Variants in ANO5 observed in about 807,000 individuals in gnomAD.
The protein encoded by ANO5 is anoctamin-5.
ANO5 carries 109 observed loss-of-function variants against 121.0 expected under a neutral mutation model. The observed-to-expected ratio is 0.90, with a 90% confidence interval of 0.77 to 1.06. The LOEUF (loss-of-function observed/expected upper bound fraction) is 1.06. ANO5 is among the 50% of genes least tolerant of loss of function. ANO5 has a pLI of 0.00. For synonymous variants in ANO5, 406 were observed against 359.9 expected (o/e 1.13, Z -1.45); for missense variants, 1,064 against 1,078.5 (o/e 0.99, Z 0.19).
intron 17 of ANO5, among the ~76,000 whole-genome samples, chr11:22,267,434 T>C (rs1474181999): frequency 6.6e-6 from 1 of 151,170 alleles, no homozygotes; most frequent in Non-Finnish European, 1.5e-5. Context: ...ATACTCTTCA[T>C]CTACATACAA....
intron 17 of ANO5, among the ~76,000 whole-genome samples, chr11:22,263,978 A>G (rs182701541): frequency 3.6e-4 from 55 of 151,054 alleles, no homozygotes; most frequent in South Asian, 8.4e-4. Flanking sequence ...CTAGCCTTCT[A>G]GTTTCATGCT....
intron 8 of ANO5, among the ~76,000 whole-genome samples, chr11:22,237,867 T>C (rs1047248519): frequency 6.6e-6 from 1 of 152,142 alleles, no homozygotes; most frequent in African/African-American, 2.4e-5. Context: ...GACCCTTGGA[T>C]ACCAAAATCC....
At chr11:22,221,072 A>G (rs1000082668) in intron 4 of ANO5, 25 bp from the exon 5 acceptor site, 3 of 1,491,556 alleles carry the variant, frequency 2.0e-6, no homozygotes, top group African/African-American at 1.4e-5. Flanking sequence ...ATAATTTACA[A>G]TTGTGTCATT....
chr11:22,247,230 G>C (rs990922708), intron 9 of ANO5, among the ~76,000 whole-genome samples: 1 of 152,024 alleles, frequency 6.6e-6, no homozygotes. Flanking sequence ...CAAGAGCATT[G>C]TGTGTTTGTT....
intron 8 of ANO5, among the ~76,000 whole-genome samples, chr11:22,237,209 T>C (rs1044121919): frequency 3.3e-5 from 5 of 152,152 alleles, no homozygotes; most frequent in Non-Finnish European, 7.4e-5. Flanking sequence ...GTAAGAAATA[T>C]AGTTCTCAGT....
Position 22,281,708 on chromosome 11 carries a change from T to TA in ANO5, c.*1947dup, listed in dbSNP as rs1855087299. On this transcript the variant is annotated 3_prime_UTR_variant, in exon 22 of 22. Transcript: ENST00000324559. ...AATATAAGCTTTAATTTTTAAGGCT[T>TA]AAAAGTATTCATAGAGGTAGACTGT... The TA allele has an allele frequency of 6.6e-6, 1 of 152,032 alleles. No individual in the cohort carries two copies. Among genetic ancestry groups the TA allele is most frequent in the Non-Finnish European group, 1.5e-5 (1 of 67,934 alleles). The allele number at this position is 152,032 out of a possible 1,614,324, so 9.4% of individuals were successfully genotyped here.
intron 5 of ANO5, among the ~76,000 whole-genome samples, chr11:22,225,302 T>G (rs1441801950): frequency 6.6e-6 from 1 of 151,712 alleles, no homozygotes; most frequent in Non-Finnish European, 1.5e-5. Flanking sequence ...ATGAAAAAAT[T>G]TTTTAAAAAT....
chr11:22,203,947 T>A, intron 2 of ANO5, 97 bp downstream of exon 2: 8 of 765,292 alleles, frequency 1.0e-5, no homozygotes, highest in African/African-American at 1.8e-5. Context: ...TTATAATACA[T>A]TCTATTATGC....
chr11:22,204,182 A>T (rs1389630557), intron 2 of ANO5, among the ~76,000 whole-genome samples: 1 of 152,082 alleles, frequency 6.6e-6, no homozygotes, highest in Non-Finnish European at 1.5e-5. Flanking sequence ...GTGATAGCTT[A>T]TTATTTTACA....
At chr11:22,231,123 A>G (rs533200604) in intron 7 of ANO5, among the ~76,000 whole-genome samples, 1 of 152,120 alleles carries the variant, frequency 6.6e-6, no homozygotes, top group East Asian at 1.9e-4. Context: ...ACTTCAGAAG[A>G]ATCAGAAGAT....
Position 22,227,541 on chromosome 11 carries a change from C to A in ANO5, c.603C>A (p.Ile201=), listed in dbSNP as rs182532539. The change falls in exon 7 of 22, where the codon ATC becomes ATA. Residue 201 remains isoleucine (I), a synonymous_variant. Transcript: ENST00000324559. ...GACATCGGCAGGAGCTCTTCCTCAT[C>A]GAAGATCAGGCAACCTTCTTTCCAT... The part of the protein sequence containing the change: ...FSRHRQELFL[I]EDQATFFPSS... The A allele has an allele frequency of 6.2e-6, 10 of 1,613,330 alleles. No homozygotes were observed. The highest frequency in any genetic ancestry group is 8.5e-6 in the Non-Finnish European group (10 of 1,179,716).
intron 1 of ANO5, among the ~76,000 whole-genome samples, chr11:22,197,042 G>T (rs535271911): frequency 6.2e-4 from 94 of 152,170 alleles, no homozygotes; most frequent in African/African-American, 2.2e-3. Flanking sequence ...ACCCATATAG[G>T]TAAGCCTTGA....
chr11:22,260,802 C>T (rs984778144), intron 15 of ANO5, among the ~76,000 whole-genome samples: 1 of 152,152 alleles, frequency 6.6e-6, no homozygotes, highest in African/African-American at 2.4e-5. Context: ...ATCATCAGCT[C>T]AGGAAAACAT....
At chr11:22,238,258 T>C (rs1321300506) in intron 8 of ANO5, among the ~76,000 whole-genome samples, 1 of 150,604 alleles carries the variant, frequency 6.6e-6, no homozygotes, top group Non-Finnish European at 1.5e-5. Flanking sequence ...TGTCCATCTT[T>C]CTTCACAAAA....
chr11:22,221,329 T>C, intron 5 of ANO5, 119 bp downstream of exon 5: 1 of 816,412 alleles, frequency 1.2e-6, no homozygotes, highest in South Asian at 1.5e-5. Context: ...TACTGAAAAC[T>C]GAAACTGAAT....
chr11:22,266,078 A>G (rs1298079826), intron 17 of ANO5, among the ~76,000 whole-genome samples: 1 of 152,224 alleles, frequency 6.6e-6, no homozygotes, highest in Non-Finnish European at 1.5e-5. Flanking sequence ...CTCTATGTGA[A>G]ACTTGCTCCT....
chr11:22,218,600 G>T (rs144271338), intron 4 of ANO5, among the ~76,000 whole-genome samples: 1 of 151,926 alleles, frequency 6.6e-6, no homozygotes, highest in Admixed American at 6.6e-5. Context: ...TTACTCTGTC[G>T]CCCAGGCTGG....
At chr11:22,271,853 A>G (rs1854626704) in intron 18 of ANO5, among the ~76,000 whole-genome samples, 1 of 152,182 alleles carries the variant, frequency 6.6e-6, no homozygotes, top group Admixed American at 6.5e-5. Context: ...CTTCTACATA[A>G]TACTTCCTCT....
At position 22,274,767 on chromosome 11, in the gene ANO5, G is replaced by A. The variant is rs779160703; in HGVS notation, c.2414+20G>A. 4.3e-6 allele frequency: 7 copies of A among 1,611,368 alleles called. No individual in the cohort carries two copies. The South Asian group carries it at 7.7e-5, about 18-fold the overall frequency. The stretch of plus-strand genomic sequence containing the variant: ...TTGCAGGTGATTTGTTTGTTTGTTT[G>A]TTTAGGTTTTAGTTTTATCCCTTAA... On this transcript the variant is annotated intron_variant, in intron 20 of 21. Transcript: ENST00000324559.
Sources: gnomAD v4.1 joint callset for allele counts (sites outside exome capture counted in the v4.1 genomes callset) on GRCh38, gnomAD v4.1.1 for gene constraint, MANE v1.5 for transcripts, NCBI Gene and HGNC (gene_info 2026-07-23, HGNC 2026-07-21) for gene names.